Variants in MAGED2 observed in about 807,000 individuals in gnomAD.
The protein encoded by MAGED2 is melanoma-associated antigen D2.
In MAGED2, 6 loss-of-function variants were observed where a neutral mutation model predicts 41.7. The observed-to-expected ratio is 0.14, with a 90% CI of 0.08 to 0.28. The LOEUF (loss-of-function observed/expected upper bound fraction) is 0.28, where lower values mean the gene tolerates loss of function less well. Among genes scored for constraint, MAGED2 ranks in the 10% least tolerant of loss-of-function variants. The pLI, the probability that MAGED2 is intolerant of heterozygous loss-of-function variation, is 1.00. For missense variants in MAGED2, 343 were observed against 486.4 expected (o/e 0.71, Z 2.77); for synonymous variants, 146 against 178.2 (o/e 0.82, Z 1.44).
chrX:54,812,661 G>C (rs1477827523), intron 7 of MAGED2, among the ~76,000 whole-genome samples: 1 of 112,178 alleles, frequency 8.9e-6, no homozygotes, highest in African/African-American at 3.2e-5. Context: ...AGAAAGAAGG[G>C]ACTCACATTG....
At chrX:54,813,998 G>GCAA (rs1929885769) in intron 10 of MAGED2, among the ~76,000 whole-genome samples, 2 of 112,452 alleles carry the variant, frequency 1.8e-5, no homozygotes, top group African/African-American at 6.5e-5. Flanking sequence ...CAGGTACCAT[G>GCAA]CTGGGGAGTT....
intron 5 of MAGED2, 89 bp downstream of exon 5, chrX:54,811,402 C>A: frequency 1.0e-6 from 1 of 976,208 alleles, no homozygotes; most frequent in Non-Finnish European, 1.5e-6. Flanking sequence ...TGCTCTTATG[C>A]TTATGTCTCT....
intron 2 of MAGED2, among the ~76,000 whole-genome samples, 164 bp downstream of exon 2, chrX:54,809,540 C>G (rs749692645): frequency 1.8e-5 from 2 of 111,539 alleles, no homozygotes; most frequent in South Asian, 7.7e-4. Context: ...GGTGGGCGGG[C>G]CCCTCTTCTG....
intron 3 of MAGED2, among the ~76,000 whole-genome samples, 188 bp from the exon 4 acceptor site, chrX:54,810,633 C>T (rs779364717): frequency 8.9e-6 from 1 of 111,954 alleles, no homozygotes; most frequent in Non-Finnish European, 1.9e-5. Flanking sequence ...TCCTGGCCTG[C>T]TAGGCAGATG....
chrX:54,815,547 TGCCAGC>T lies in MAGED2; in HGVS notation c.1687_1692del (p.Ala563_Ser564del), dbSNP rs745964344. 1.7e-6 allele frequency: 2 copies of T among 1,178,639 alleles called. No individual in the cohort carries two copies. The highest frequency in any genetic ancestry group is 2.4e-5 in the Admixed American group (1 of 41,667). On this transcript the variant is annotated inframe_deletion, in exon 12 of 13. Transcript: ENST00000375068. ...GTACCAATAACAGTGCCAGTGCCAG[TGCCAGC>T]ACCAGTGGTGGCTTCAGTGCTGGTG...
At chrX:54,814,834 G>GCACCC in intron 11 of MAGED2, 59 bp downstream of exon 11, 2 of 894,197 alleles carry the variant, frequency 2.2e-6, no homozygotes, top group Non-Finnish European at 3.3e-6. Context: ...CCTGGCTGGG[G>GCACCC]CAGGCTGTGT....
rs758716770 is a variant in MAGED2 at position 54,815,595 on chromosome X, T to G, written c.1734T>G (p.Thr578=). Residue 578 remains threonine (T), a synonymous_variant, in exon 12 of 13, where the codon ACT becomes ACG. Transcript: ENST00000375068. ...GTGCTGGTGCCAGCCTGACCGCCACTCTCACATTTGGGCTCTTCGCTGGCC... is the reference window on the plus strand; with the variant it reads ...GTGCTGGTGCCAGCCTGACCGCCACGCTCACATTTGGGCTCTTCGCTGGCC... ...GFSAGASLTA[T]LTFGLFAGLG... 1 of 1,167,246 alleles carries G rather than the reference T, an allele frequency of 8.6e-7. No homozygotes were observed. The highest frequency in any genetic ancestry group is 1.8e-5 in the African/African-American group (1 of 55,978).
intron 7 of MAGED2, 35 bp from the exon 8 acceptor site, chrX:54,812,910 T>C: frequency 9.1e-7 from 1 of 1,102,229 alleles, no homozygotes; most frequent in Non-Finnish European, 1.2e-6. Context: ...AGATGGCTGC[T>C]GAACATAAAC....
Position 54,809,306 on chromosome X carries a change from C to CA in MAGED2, c.-25dup. 8.3e-7 allele frequency: 1 copy of CA among 1,209,418 alleles called. No individual in the cohort carries two copies. Among genetic ancestry groups the CA allele is most frequent in the Non-Finnish European group, 1.1e-6 (1 of 893,608 alleles). On this transcript the variant is annotated 5_prime_UTR_variant, in exon 2 of 13. Coordinates refer to ENST00000375068, the MANE Select transcript of MAGED2 (RefSeq NM_177433.3). ...ACCCAGGCCTTCTCCCCTTCAGGCTCAGCTCTTGCCAGGCCAAATTGAGAC... is the reference window on the plus strand; with the variant it reads ...ACCCAGGCCTTCTCCCCTTCAGGCTCAAGCTCTTGCCAGGCCAAATTGAGAC...
At chrX:54,813,405 G>A in intron 9 of MAGED2, 83 bp from the exon 10 acceptor site, 1 of 949,355 alleles carries the variant, frequency 1.1e-6, no homozygotes, top group African/African-American at 1.9e-5. Context: ...TTCCATCTTG[G>A]AAATGCCTCT....
chrX:54,815,573 C>T lies in MAGED2; in HGVS notation c.1712C>T (p.Ala571Val), dbSNP rs1359906547. 6 of 1,170,621 alleles carry T rather than the reference C, an allele frequency of 5.1e-6. No individual in the cohort carries two copies. Among genetic ancestry groups the T allele is most frequent in the Non-Finnish European group, 6.9e-6 (6 of 873,956 alleles). ...ASASTSGGFS[A>V]GASLTATLTF... Reference sequence around the variant, plus strand: ...GCCAGCACCAGTGGTGGCTTCAGTGCTGGTGCCAGCCTGACCGCCACTCTC... The same window carrying T: ...GCCAGCACCAGTGGTGGCTTCAGTGTTGGTGCCAGCCTGACCGCCACTCTC... The change falls in exon 12 of 13, where the codon GCT becomes GTT. Residue 571 changes from alanine to valine, a missense_variant. Physicochemically the swap from Ala to Val is moderately conservative, Grantham distance 64. Around this residue, in one of 3 missense-constraint regions of MAGED2, gnomAD observed 53 missense variants for 60.4 expected, o/e 0.88. Coordinates refer to ENST00000375068, the MANE Select transcript of MAGED2 (RefSeq NM_177433.3).
chrX:54,812,884 C>T, intron 7 of MAGED2, 61 bp from the exon 8 acceptor site: 1 of 870,211 alleles, frequency 1.1e-6, no homozygotes, highest in East Asian at 3.3e-5. Context: ...AGTGAGTTGG[C>T]TGGTGTGTCT....
At position 54,810,020 on chromosome X, in the gene MAGED2, C is replaced by T. The variant is rs371162915; in HGVS notation, c.344C>T (p.Ala115Val). 5 of 1,207,724 alleles carry T rather than the reference C, an allele frequency of 4.1e-6. 1 individual carries two copies. The change falls in exon 3 of 13, where the codon GCT (alanine) becomes GTT (valine). Residue 115 changes from alanine to valine, a missense_variant. This residue lies in a region of MAGED2 where 195 missense variants were observed against 221.2 expected (regional missense o/e 0.88). Transcript: ENST00000375068. Reference sequence around the variant, plus strand: ...AAGAAACAGAATGCTGACCCGCAGGCTGTGACAATGCCTGCCACTGAGACC... The same window carrying T: ...AAGAAACAGAATGCTGACCCGCAGGTTGTGACAATGCCTGCCACTGAGACC... ...DTKKQNADPQ[A>V]VTMPATETKK...
At chrX:54,811,468 C>T (rs1457458642) in intron 5 of MAGED2, 106 bp from the exon 6 acceptor site, 1 of 874,760 alleles carries the variant, frequency 1.1e-6, no homozygotes, top group Non-Finnish European at 1.7e-6. Context: ...AAGCACAGAA[C>T]CGGGTTATGC....
At chrX:54,814,205 C>CA (rs1283755171) in intron 10 of MAGED2, among the ~76,000 whole-genome samples, 1 of 112,533 alleles carries the variant, frequency 8.9e-6, no homozygotes, top group Non-Finnish European at 1.9e-5. Context: ...TGCAAACACT[C>CA]ACACAGCCAC....
intron 6 of MAGED2, 27 bp from the exon 7 acceptor site, chrX:54,812,130 C>T (rs760049882): frequency 2.1e-6 from 2 of 968,928 alleles, no homozygotes; most frequent in South Asian, 3.9e-5. Flanking sequence ...ATTTTGTCAT[C>T]TCACAAGCTG....
rs11555927 is a variant in MAGED2 at position 54,815,304 on chromosome X, G to A, written c.1443G>A (p.Ala481=). 149,567 of 1,173,358 alleles carry A rather than the reference G, an allele frequency of 0.13. 7,447 individuals carry two copies. Among genetic ancestry groups the A allele is most frequent in the Non-Finnish European group, 0.15 (127,943 of 878,260 alleles). Residue 481 remains alanine (A), a synonymous_variant, in exon 12 of 13, where the codon GCG becomes GCA. Coordinates refer to ENST00000375068, the MANE Select transcript of MAGED2 (RefSeq NM_177433.3). ...WAAQYREAME[A]DLKAAAEAAA... ...CTCAGTACCGAGAGGCGATGGAAGC[G>A]GATTTGAAGGCTGCAGCTGAGGCTG... is the stretch of plus-strand genomic sequence containing the variant.
chrX:54,809,419 C>A (rs754955883), intron 2 of MAGED2, 43 bp downstream of exon 2: 2 of 1,136,198 alleles, frequency 1.8e-6, no homozygotes, highest in South Asian at 3.6e-5. Flanking sequence ...TTTTCCTCTC[C>A]AGCCCTTGTT....
chrX:54,809,436 C>G lies in MAGED2; in HGVS notation c.45+60C>G. ...TTCCTCTCCAGCCCTTGTTGCTGCCCCCAAGTCCCTTGGCTCTTCCCCTCC... is the reference window on the plus strand; with the variant it reads ...TTCCTCTCCAGCCCTTGTTGCTGCCGCCAAGTCCCTTGGCTCTTCCCCTCC... On this transcript the variant is annotated intron_variant, in intron 2 of 12. Coordinates refer to ENST00000375068, the MANE Select transcript of MAGED2 (RefSeq NM_177433.3). 3 of 1,077,899 alleles carry G rather than the reference C, an allele frequency of 2.8e-6. No homozygotes were observed. The South Asian group carries it at 5.6e-5, about 20-fold the overall frequency. The allele number at this position is 1,077,899 out of a possible 1,213,427, so 88.8% of individuals were successfully genotyped here. A position where few individuals can be genotyped will look rare whatever the true frequency, so the allele number is the denominator to read the frequency against.
Sources: allele counts gnomAD v4.1 joint callset (sites outside exome capture counted in the v4.1 genomes callset), GRCh38; gene constraint gnomAD v4.1.1; regional missense constraint gnomAD v4.1.1; transcripts MANE v1.5; gene names NCBI Gene and HGNC (gene_info 2026-07-23, HGNC 2026-07-21).